HIPK3: variants seen among roughly 807,000 people sequenced by gnomAD.
The protein encoded by HIPK3 is homeodomain-interacting protein kinase 3.
HIPK3 carries 47 observed loss-of-function variants against 124.2 expected under a neutral mutation model. The observed-to-expected ratio is 0.38, with a 90% CI of 0.30 to 0.48. HIPK3 has a LOEUF of 0.48. Among genes scored for constraint, HIPK3 ranks in the 20% least tolerant of loss-of-function variants. HIPK3 has a pLI of 0.98. For missense variants in HIPK3, 1,286 were observed against 1,454.3 expected (o/e 0.88, Z 1.88); for synonymous variants, 482 against 515.2 (o/e 0.94, Z 0.87).
At chr11:33,311,612 C>T (rs1010803548) in intron 2 of HIPK3, among the ~76,000 whole-genome samples, 1 of 152,186 alleles carries the variant, frequency 6.6e-6, no homozygotes, top group Non-Finnish European at 1.5e-5. Flanking sequence ...TATTGACATC[C>T]TGTACCACAG....
chr11:33,296,065 C>CT (rs1250663938), intron 2 of HIPK3, among the ~76,000 whole-genome samples: 1 of 152,118 alleles, frequency 6.6e-6, no homozygotes, highest in African/African-American at 2.4e-5. Context: ...ACAAGAAGAG[C>CT]TTTTTTTCCC....
Position 33,269,944 on chromosome 11 carries a change from A to G in HIPK3, c.-3+12055A>G, listed in dbSNP as rs530484257. On this transcript the variant is annotated intron_variant, in intron 1 of 16. Coordinates refer to ENST00000303296, the MANE Select transcript of HIPK3 (RefSeq NM_005734.5). ...TTCCCTATCTAGCATCCTCATTTCT[A>G]TTGCCCTGTGTGTGTGTGTGTATAC... Among the ~76,000 whole-genome samples the G allele has an allele frequency of 4.9e-4, 75 of 151,784 alleles. 1 individual carries two copies. Among genetic ancestry groups the G allele is most frequent in the Non-Finnish European group, 8.5e-4 (58 of 67,932 alleles).
chr11:33,322,283 G>A (rs991140602), intron 2 of HIPK3, among the ~76,000 whole-genome samples: 1 of 152,102 alleles, frequency 6.6e-6, no homozygotes, highest in African/African-American at 2.4e-5. Context: ...ACAGGCATGA[G>A]CCACCACACC....
chr11:33,300,505 A>G (rs1464608759), intron 2 of HIPK3, among the ~76,000 whole-genome samples: 3 of 152,208 alleles, frequency 2.0e-5, no homozygotes, highest in Non-Finnish European at 2.9e-5. Flanking sequence ...TTTAGCTATC[A>G]AGTATTTTTA....
rs1462818300 is a variant in HIPK3, at chr11:33,311,937, T to A, written c.1098-16573T>A. Among the ~76,000 whole-genome samples, 14 of 46,786 alleles carry A rather than the reference T, an allele frequency of 3.0e-4. No homozygotes were observed. In the East Asian group the frequency reaches 3.6e-3, roughly 12 times the overall value. The allele number at this position is 46,786 out of a possible 152,430, so 30.7% of individuals were successfully genotyped here. ...CACACACACACACACACACACACAC[T>A]ACACACACACACGGGCAACATAGCA... On this transcript the variant is annotated intron_variant, in intron 2 of 16. Transcript: ENST00000303296.
chr11:33,285,567 CA>C (rs10573152), intron 1 of HIPK3, among the ~76,000 whole-genome samples: 290 of 146,498 alleles, frequency 2.0e-3, no homozygotes, highest in African/African-American at 5.4e-3. Context: ...AACTCTGTCT[CA>C]AAAAAAAAAA....
At chr11:33,346,579 A>T (rs1054507339) in intron 8 of HIPK3, among the ~76,000 whole-genome samples, 9 of 152,224 alleles carry the variant, frequency 5.9e-5, no homozygotes, top group Non-Finnish European at 1.3e-4. Context: ...CATAGCTAAA[A>T]GTTTGTATGA....
intron 14 of HIPK3, among the ~76,000 whole-genome samples, chr11:33,350,250 T>TG (rs1853617302): frequency 1.3e-5 from 2 of 152,180 alleles, no homozygotes; most frequent in African/African-American, 2.4e-5. Flanking sequence ...TTTCTCCCAT[T>TG]GGTGACTGAT....
chr11:33,308,603 T>C (rs1288981307), intron 2 of HIPK3, among the ~76,000 whole-genome samples: 1 of 138,404 alleles, frequency 7.2e-6, no homozygotes, highest in Non-Finnish European at 1.5e-5. Flanking sequence ...TCTACAGGTG[T>C]GTGCCTAGGG....
At chr11:33,325,961 T>A (rs923698867) in intron 2 of HIPK3, among the ~76,000 whole-genome samples, 6 of 152,220 alleles carry the variant, frequency 3.9e-5, no homozygotes, top group African/African-American at 1.4e-4. Flanking sequence ...TGAAGATCTT[T>A]TATACCTCAT....
chr11:33,272,755 T>C (rs909769659), intron 1 of HIPK3, among the ~76,000 whole-genome samples: 3 of 15,044 alleles, frequency 2.0e-4, no homozygotes, highest in Non-Finnish European at 4.4e-4. Context: ...CTTTCCTCCT[T>C]CTCTCCCTCC....
intron 2 of HIPK3, among the ~76,000 whole-genome samples, chr11:33,299,683 A>G (rs1323610363): frequency 6.6e-6 from 1 of 152,118 alleles, no homozygotes. Flanking sequence ...TCTACAGAGA[A>G]GTCTTTCATG....
intron 1 of HIPK3, among the ~76,000 whole-genome samples, chr11:33,276,596 G>T (rs1010444729): frequency 6.6e-6 from 1 of 152,052 alleles, no homozygotes; most frequent in African/African-American, 2.4e-5. Context: ...ACTTTGGTGT[G>T]GTTACCAAAT....
At chr11:33,320,895 TAA>T (rs1852644452) in intron 2 of HIPK3, among the ~76,000 whole-genome samples, 1 of 152,108 alleles carries the variant, frequency 6.6e-6, no homozygotes. Context: ...AGTCTGGAGT[TAA>T]AAGAGAGAGG....
rs771838618 is a variant in HIPK3, at chr11:33,347,242, TAAATA to T, written c.1898-49_1898-45del. The T allele has an allele frequency of 1.3e-4, 198 of 1,534,346 alleles. 1 individual carries two copies. In the South Asian group the frequency reaches 2.2e-3, roughly 17 times the overall value. ...TGACATTTAAAATAATTGTATAAGT[TAAATA>T]AGAGGAAGATTTTTTCTTTTATTTG... On this transcript the variant is annotated intron_variant, in intron 8 of 16. Transcript: ENST00000303296.
At chr11:33,300,356 A>T (rs1851963536) in intron 2 of HIPK3, among the ~76,000 whole-genome samples, 1 of 152,094 alleles carries the variant, frequency 6.6e-6, no homozygotes, top group African/African-American at 2.4e-5. Flanking sequence ...CGCAAAAAAA[A>T]AAAAAGAACT....
At chr11:33,279,324 CAAAAAAAA>C (rs869091127) in intron 1 of HIPK3, among the ~76,000 whole-genome samples, 30 of 77,520 alleles carry the variant, frequency 3.9e-4, no homozygotes, top group African/African-American at 1.2e-3. Flanking sequence ...CTCTTTGTCT[CAAAAAAAA>C]AAAAAAAAAA....
chr11:33,327,839 A>G (rs1332589390), intron 2 of HIPK3, among the ~76,000 whole-genome samples: 1 of 152,224 alleles, frequency 6.6e-6, no homozygotes, highest in African/African-American at 2.4e-5. Flanking sequence ...CTCAAGGGAA[A>G]TCCATATGAA....
At chr11:33,320,017 G>C (rs922972852) in intron 2 of HIPK3, among the ~76,000 whole-genome samples, 1 of 152,202 alleles carries the variant, frequency 6.6e-6, no homozygotes, top group South Asian at 2.1e-4. Context: ...ATCAAGTCTT[G>C]TATTCTCTCT....
Sources: allele counts gnomAD v4.1 joint callset (sites outside exome capture counted in the v4.1 genomes callset), GRCh38; gene constraint gnomAD v4.1.1; transcripts MANE v1.5; gene names NCBI Gene and HGNC (gene_info 2026-07-23, HGNC 2026-07-21).